SERPINE2: variants seen among roughly 807,000 people sequenced by gnomAD.
SERPINE2 encodes glia-derived nexin.
A neutral mutation model predicts 36.3 loss-of-function variants in SERPINE2; 14 were observed. The observed-to-expected ratio is 0.39, with a 90% CI of 0.25 to 0.60. SERPINE2 has a LOEUF of 0.60. Ranked by LOEUF, SERPINE2 falls within the 20% of genes least tolerant of loss-of-function variation. SERPINE2 has a pLI of 0.57. For synonymous variants in SERPINE2, 192 were observed against 191.8 expected (o/e 1.00, Z -0.01); for missense variants, 418 against 499.6 (o/e 0.84, Z 1.56).
intron 1 of SERPINE2, among the ~76,000 whole-genome samples, chr2:224,009,378 T>C (rs77479451): frequency 2.6e-5 from 4 of 152,106 alleles, no homozygotes; most frequent in South Asian, 2.1e-4. Context: ...TCAACAGCTT[T>C]TCCTGCCAGG....
rs376515615 is a variant in SERPINE2 at position 223,975,319 on chromosome 2, A to AAACAAC, written c.*542_*547dup. ...TTTTAGTGAATACATGCATTATATA[A>AAACAAC]AACAACAACAACAACAACAACAAAA... is the stretch of plus-strand genomic sequence containing the variant. On this transcript the variant is annotated 3_prime_UTR_variant, in exon 9 of 9. Coordinates refer to ENST00000409304, the MANE Select transcript of SERPINE2 (RefSeq NM_001136528.2). 1 of 152,502 alleles carries AAACAAC rather than the reference A, an allele frequency of 6.6e-6. No individual in the cohort carries two copies. The highest frequency in any genetic ancestry group is 1.9e-4 in the East Asian group (1 of 5,202). 9.4% of individuals were successfully genotyped at this position (152,502 alleles called of 1,614,324 possible).
intron 1 of SERPINE2, among the ~76,000 whole-genome samples, chr2:224,005,894 C>A (rs181864810): frequency 2.0e-5 from 3 of 152,314 alleles, no homozygotes; most frequent in Middle Eastern, 3.4e-3. Flanking sequence ...GTAGAGCCAT[C>A]GCCACAGGCA....
chr2:224,012,617 A>C (rs1310017372), intron 1 of SERPINE2, among the ~76,000 whole-genome samples: 3 of 151,948 alleles, frequency 2.0e-5, no homozygotes, highest in South Asian at 2.1e-4. Context: ...AAAAAAAAAA[A>C]ATTATACACA....
chr2:223,976,099 G>A (rs1690000124), intron 8 of SERPINE2, among the ~76,000 whole-genome samples, 195 bp from the exon 9 acceptor site: 1 of 152,168 alleles, frequency 6.6e-6, no homozygotes, highest in South Asian at 2.1e-4. Flanking sequence ...AGTCACATGT[G>A]GCCAGAGAGT....
intron 1 of SERPINE2, among the ~76,000 whole-genome samples, chr2:224,005,728 T>C (rs1691397901): frequency 6.6e-6 from 1 of 152,188 alleles, no homozygotes. Flanking sequence ...TAAGAGAAAT[T>C]ACACTTTAAA....
chr2:224,011,287 C>T (rs1054792382), intron 1 of SERPINE2, among the ~76,000 whole-genome samples: 1 of 152,112 alleles, frequency 6.6e-6, no homozygotes, highest in Non-Finnish European at 1.5e-5. Flanking sequence ...CAAGGAAGTA[C>T]CTTTTTAATT....
intron 7 of SERPINE2, chr2:223,979,230 A>T (rs912871137): frequency 1.3e-5 from 2 of 152,174 alleles, no homozygotes; most frequent in African/African-American, 4.8e-5. Context: ...ATTTTGAACA[A>T]GGGGCTCCAT....
intron 3 of SERPINE2, among the ~76,000 whole-genome samples, chr2:223,996,168 T>C (rs1000087328): frequency 6.6e-6 from 1 of 152,168 alleles, no homozygotes; most frequent in Non-Finnish European, 1.5e-5. Context: ...GACTGTCACA[T>C]GGTCTAACTA....
intron 1 of SERPINE2, 104 bp from the exon 2 acceptor site, chr2:224,002,026 G>C: frequency 9.2e-7 from 1 of 1,091,362 alleles, no homozygotes; most frequent in Non-Finnish European, 1.3e-6. Flanking sequence ...ACCCAGGCTG[G>C]AGTGAAGTGG....
At chr2:223,995,854 G>A (rs1349990628) in intron 3 of SERPINE2, among the ~76,000 whole-genome samples, 1 of 152,176 alleles carries the variant, frequency 6.6e-6, no homozygotes, top group Non-Finnish European at 1.5e-5. Flanking sequence ...CAATTATTCT[G>A]AGACTCTGAC....
chr2:224,019,698 T>C (rs1017265085), intron 1 of SERPINE2, among the ~76,000 whole-genome samples: 2 of 151,322 alleles, frequency 1.3e-5, no homozygotes, highest in Admixed American at 1.3e-4. Context: ...TAAGGTCAAT[T>C]ACAGTGGCCA....
intron 1 of SERPINE2, among the ~76,000 whole-genome samples, chr2:224,037,354 T>G (rs1692568211): frequency 6.6e-6 from 1 of 151,670 alleles, no homozygotes; most frequent in African/African-American, 2.4e-5. Context: ...ACAGTGGGAG[T>G]CCGGTTTGCA....
Position 224,001,905 on chromosome 2 carries a change from C to A in SERPINE2, c.-5G>T, listed in dbSNP as rs762273157. On this transcript the variant is annotated 5_prime_UTR_variant, in exon 2 of 9. Transcript: ENST00000409304. ...GAGGGGGAGATGCCAGTTCATGGTT[C>A]CTTCCACCAAGGACGACCTGGAAAA... 6.2e-7 allele frequency: 1 copy of A among 1,609,728 alleles called. No individual in the cohort carries two copies. Among genetic ancestry groups the A allele is most frequent in the South Asian group, 1.1e-5 (1 of 90,966 alleles).
rs527906153 is a variant in SERPINE2, at chr2:224,013,498, G to A, written c.-22-11576C>T. On this transcript the variant is annotated intron_variant, in intron 1 of 8. Coordinates refer to ENST00000409304, the MANE Select transcript of SERPINE2 (RefSeq NM_001136528.2). The stretch of plus-strand genomic sequence containing the variant: ...AGGAAGAGGAGGGAAGCAGGGGTTT[G>A]GGCTCCGTTTTGCTTAGCTAAGCAG... Among the ~76,000 whole-genome samples, 5 of 152,322 alleles carry A rather than the reference G, an allele frequency of 3.3e-5. No individual in the cohort carries two copies. In the East Asian group the frequency reaches 9.6e-4, roughly 29 times the overall value.
chr2:224,020,770 C>T (rs1691972243), intron 1 of SERPINE2, among the ~76,000 whole-genome samples: 1 of 152,182 alleles, frequency 6.6e-6, no homozygotes, highest in Admixed American at 6.5e-5. Flanking sequence ...AAATACTGCA[C>T]ATATAATGCA....
At position 223,984,846 on chromosome 2, in the gene SERPINE2, G is replaced by C; in HGVS notation, c.790C>G (p.Pro264Ala). The C allele has an allele frequency of 1.2e-6, 2 of 1,614,178 alleles. No homozygotes were observed. The highest frequency in any genetic ancestry group is 1.7e-5 in the Admixed American group (1 of 60,020). Residue 264 changes from proline to alanine, a missense_variant, in exon 5 of 9, where the codon CCG becomes GCG. Pro to Ala is a conservative substitution (Grantham distance 27). Transcript: ENST00000409304. ...LIALPTESST[P>A]LSAIIPHIST... is the part of the protein sequence containing the mutation. Reference sequence around the variant, plus strand: ...ATGTGTGGGATGATGGCAGACAGCGGAGTGGAGCTCTCAGTCGGCAGTGCA... The same window carrying C: ...ATGTGTGGGATGATGGCAGACAGCGCAGTGGAGCTCTCAGTCGGCAGTGCA...
rs116041171 is a variant in SERPINE2 at position 224,030,962 on chromosome 2, T to C, written c.-23+8137A>G. The C allele has an allele frequency of 2.2e-3, 2,152 of 985,414 alleles. 33 individuals are homozygous for C. The African/African-American group carries it at 0.035, about 16-fold the overall frequency. The allele number at this position is 985,414 out of a possible 1,614,324, so 61.0% of individuals were successfully genotyped here. On this transcript the variant is annotated intron_variant, in intron 1 of 8. Transcript: ENST00000409304. ...CTAGGGGGCCAAAGGCATAAAACCA[T>C]GATTCAAACGTACCACACAGATACT...
chr2:224,026,621 T>C (rs1371719810), intron 1 of SERPINE2, among the ~76,000 whole-genome samples: 4 of 152,160 alleles, frequency 2.6e-5, no homozygotes, highest in African/African-American at 9.7e-5. Context: ...TTTGAGGAAA[T>C]TTTTTGCTTC....
chr2:224,015,625 C>T (rs965434957), intron 1 of SERPINE2, among the ~76,000 whole-genome samples: 6 of 152,294 alleles, frequency 3.9e-5, no homozygotes, highest in Non-Finnish European at 5.9e-5. Context: ...AGAACCCAAC[C>T]GGACAGAAAC....
Sources: allele counts gnomAD v4.1 joint callset (sites outside exome capture counted in the v4.1 genomes callset), GRCh38; gene constraint gnomAD v4.1.1; transcripts MANE v1.5; gene names NCBI Gene and HGNC (gene_info 2026-07-23, HGNC 2026-07-21).